The following COL5A3 variants were observed in gnomAD, a reference collection of about 807,000 sequenced individuals.
The protein encoded by COL5A3 is collagen type V alpha 3 chain.
A neutral mutation model predicts 250.0 loss-of-function variants in COL5A3; 172 were observed. That is an observed-to-expected ratio of 0.69 (90% CI 0.61 to 0.78). COL5A3 has a LOEUF of 0.78. COL5A3 is among the 30% of genes least tolerant of loss of function. The pLI, the probability that COL5A3 is intolerant of heterozygous loss-of-function variation, is 0.00. For missense variants in COL5A3, 2,340 were observed against 2,334.4 expected, an observed-to-expected ratio of 1.00 and a Z score of -0.05; for synonymous variants, 937 against 900.4, an observed-to-expected ratio of 1.04 and a Z score of -0.73.
chr19:9,987,614 G>C (rs2087118636), intron 27 of COL5A3, among the ~76,000 whole-genome samples: 1 of 151,930 alleles, frequency 6.6e-6, no homozygotes, highest in African/African-American at 2.4e-5. Context: ...GCCGGATGTG[G>C]TGACGTGCAC....
chr19:9,982,897 C>A (rs1479694318), intron 31 of COL5A3, among the ~76,000 whole-genome samples: 1 of 152,074 alleles, frequency 6.6e-6, no homozygotes, highest in African/African-American at 2.4e-5. Flanking sequence ...ACTTTGTCAC[C>A]CAGGCTGGAG....
chr19:9,993,803 G>A lies in COL5A3; in HGVS notation c.1591C>T (p.Arg531Cys), dbSNP rs747894135. ...CCCCGAGCTCCATCTGCTCCAGGGCGGCCCTATGGAGAAAGTAAGCCCAAG... is the reference window on the plus strand; with the variant it reads ...CCCCGAGCTCCATCTGCTCCAGGGCAGCCCTATGGAGAAAGTAAGCCCAAG... ...GPPGRVGKMG[R>C]PGADGARGLP... is the part of the protein sequence containing the mutation. Residue 531 changes from arginine (R) to cysteine (C), a missense_variant, in exon 17 of 67, where the codon CGC (arginine) becomes TGC (cysteine). Arg to Cys is a radical substitution (Grantham distance 180). Coordinates refer to ENST00000264828, the MANE Select transcript of COL5A3 (RefSeq NM_015719.4). The A allele has an allele frequency of 7.2e-5, 116 of 1,613,968 alleles. No homozygotes were observed. The East Asian group carries it at 1.3e-3, about 18-fold the overall frequency.
chr19:10,004,073 C>T lies in COL5A3; in HGVS notation c.667G>A (p.Asp223Asn). Residue 223 changes from aspartate to asparagine, a missense_variant, in exon 5 of 67, where the codon GAC (aspartate) becomes AAC (asparagine). By Grantham distance (23) the Asp-to-Asn change is conservative. This residue lies in a region of COL5A3 where 1,152 missense variants were observed against 1,146.3 expected (regional missense o/e 1.00). Transcript: ENST00000264828. ...AFQACERYLP[D>N]CDNLAPAATV... ...GCTGCCGGTGCCAGGTTGTCACAGT[C>T]GGGGAGGTACCGCTCACAAGCCTGG... 5.6e-6 allele frequency: 9 copies of T among 1,614,020 alleles called. No individual in the cohort carries two copies. The highest frequency in any genetic ancestry group is 7.6e-6 in the Non-Finnish European group (9 of 1,179,928).
Position 9,977,667 on chromosome 19 carries a change from G to A in COL5A3, c.3053C>T (p.Ala1018Val). ...TTGGCCAGGAAGTCCAATGCCTCCT[G>A]CTGGGCCCAAAGGACCGCGCTCACC... Reference protein sequence around the residue: ...SPGERGPLGPAGGIGLPGQSG... With the variant: ...SPGERGPLGPVGGIGLPGQSG... Residue 1018 changes from alanine (A) to valine (V), a missense_variant, in exon 42 of 67, where the codon GCA becomes GTA. By Grantham distance (64) the Ala-to-Val change is moderately conservative (BLOSUM62 0). Coordinates refer to ENST00000264828, the MANE Select transcript of COL5A3 (RefSeq NM_015719.4). 6.2e-7 allele frequency: 1 copy of A among 1,607,726 alleles called. No homozygotes were observed. The highest frequency in any genetic ancestry group is 1.3e-5 in the African/African-American group (1 of 74,830).
intron 27 of COL5A3, among the ~76,000 whole-genome samples, 158 bp downstream of exon 27, chr19:9,988,966 G>C (rs1275657013): frequency 4.6e-5 from 7 of 152,072 alleles, no homozygotes; most frequent in Non-Finnish European, 8.8e-5. Flanking sequence ...ACACTGTAAG[G>C]CTGTCCTTGG....
intron 6 of COL5A3, 96 bp downstream of exon 6, chr19:10,003,462 AGAGATGG>A: frequency 8.8e-7 from 1 of 1,140,256 alleles, no homozygotes; most frequent in Non-Finnish European, 1.3e-6. Context: ...AGAGATTAGT[AGAGATGG>A]GAGACTAGAA....
At chr19:9,996,331 T>G (rs1445199313) in intron 13 of COL5A3, 69 bp from the exon 14 acceptor site, 10 of 1,550,568 alleles carry the variant, frequency 6.4e-6, no homozygotes, top group Non-Finnish European at 8.7e-6. Context: ...CAGAGGCATC[T>G]TCAGGAGAAA....
Position 10,003,591 on chromosome 19 carries a change from G to A in COL5A3, c.823C>T (p.Pro275Ser), listed in dbSNP as rs781439239. 5.9e-5 allele frequency: 95 copies of A among 1,614,072 alleles called. No individual in the cohort carries two copies. The highest frequency in any genetic ancestry group is 7.8e-5 in the Non-Finnish European group (92 of 1,180,048). Residue 275 changes from proline (P) to serine (S), a missense_variant, in exon 6 of 67, where the codon CCA (proline) becomes TCA (serine). This residue lies in a region of COL5A3 where 1,152 missense variants were observed against 1,146.3 expected (regional missense o/e 1.00). Coordinates refer to ENST00000264828, the MANE Select transcript of COL5A3 (RefSeq NM_015719.4). ...TGGTTCTCTGCGGAGTCAGGAGGTG[G>A]ACTTGAGGTCCAAATTTCCTTGTTC... ...KKNKEIWTSS[P>S]PPDSAENQTS...
chr19:9,968,316 CACACCCACAGTCTCTCAACCG>C lies in COL5A3; in HGVS notation c.4314+48_4314+68del. 7.5e-7 allele frequency: 1 copy of C among 1,326,374 alleles called. No individual in the cohort carries two copies. The highest frequency in any genetic ancestry group is 1.1e-6 in the Non-Finnish European group (1 of 942,738). 82.2% of individuals were successfully genotyped at this position (1,326,374 alleles called of 1,614,324 possible). A position where few individuals can be genotyped will look rare whatever the true frequency, so the allele number is the denominator to read the frequency against. Reference sequence around the variant, plus strand: ...ATCCAGACCCACGTTTCCCAGACCCCACACCCACAGTCTCTCAACCGACCCCCTCCTTCAAATGCATTCTTC... The same window carrying C: ...ATCCAGACCCACGTTTCCCAGACCCCACCCCCTCCTTCAAATGCATTCTTC... On this transcript the variant is annotated intron_variant, in intron 59 of 66. Transcript: ENST00000264828. The surrounding 1 kb of genome is among the most constrained non-coding windows in gnomAD (Gnocchi z 4.1).
intron 1 of COL5A3, among the ~76,000 whole-genome samples, chr19:10,010,029 A>G (rs1169995558): frequency 6.6e-6 from 1 of 152,158 alleles, no homozygotes; most frequent in Non-Finnish European, 1.5e-5. Context: ...CACATGCTAC[A>G]CACACATACA....
At chr19:9,996,744 G>A (rs1191781976) in intron 11 of COL5A3, 55 bp from the exon 12 acceptor site, 2 of 1,398,424 alleles carry the variant, frequency 1.4e-6, no homozygotes, top group Non-Finnish European at 2.0e-6. Context: ...GAGAGAGAGA[G>A]CGAGGACAGG....
chr19:10,004,773 C>G (rs2087417274), intron 4 of COL5A3, among the ~76,000 whole-genome samples: 1 of 152,196 alleles, frequency 6.6e-6, no homozygotes, highest in Non-Finnish European at 1.5e-5. Context: ...ACAAAGGTCT[C>G]CACACCCAGA....
In COL5A3 at chr19:9,996,256, T is replaced by C. The variant is rs779560662; in HGVS notation, c.1429A>G (p.Met477Val). ...CCCACTGGACCAGGGGGGCCTTTCA[T>C]AGAGAGCTGGAAAGACAGAGGAGTC... ...QAVLQQTQLS[M>V]KGPPGPVGLT... The change falls in exon 14 of 67, where the codon ATG (methionine) becomes GTG (valine). Residue 477 changes from methionine (M) to valine (V), a missense_variant. This residue lies in a region of COL5A3 where 1,152 missense variants were observed against 1,146.3 expected (regional missense o/e 1.00). Coordinates refer to ENST00000264828, the MANE Select transcript of COL5A3 (RefSeq NM_015719.4). The C allele has an allele frequency of 5.1e-6, 8 of 1,572,680 alleles. No homozygotes were observed. Among genetic ancestry groups the C allele is most frequent in the Non-Finnish European group, 3.4e-6 (4 of 1,161,948 alleles).
chr19:9,974,143 C>A, intron 47 of COL5A3, 28 bp downstream of exon 47: 1 of 1,608,018 alleles, frequency 6.2e-7, no homozygotes, highest in East Asian at 2.2e-5. Flanking sequence ...CCATCCTCCC[C>A]CTCCCACCTT....
At position 9,974,363 on chromosome 19, in the gene COL5A3, C is replaced by T; in HGVS notation, c.3388G>A (p.Gly1130Arg). Residue 1130 changes from glycine (G) to arginine (R), a missense_variant, in exon 46 of 67, where the codon GGG becomes AGG. Physicochemically the swap from Gly to Arg is moderately radical, Grantham distance 125. Transcript: ENST00000264828. ...CTGACTCCGTCATCTCCTTTCTGCC[C>T]AAAGAGGCCTGGGGGTCCCCGGCGC... ...QGRRGPPGLF[G>R]QKGDDGVRGF... The T allele has an allele frequency of 1.2e-6, 2 of 1,612,554 alleles. No individual in the cohort carries two copies. The highest frequency in any genetic ancestry group is 1.7e-6 in the Non-Finnish European group (2 of 1,179,314).
rs2087491462 is a variant in COL5A3 at position 10,009,351 on chromosome 19, C to T, written c.88+947G>A. Among the ~76,000 whole-genome samples the T allele has an allele frequency of 6.6e-6, 1 of 152,084 alleles. No individual in the cohort carries two copies. Among genetic ancestry groups the T allele is most frequent in the African/African-American group, 2.4e-5 (1 of 41,404 alleles). On this transcript the variant is annotated intron_variant, in intron 1 of 66. Transcript: ENST00000264828. The surrounding 1 kb of genome is among the most constrained non-coding windows in gnomAD (Gnocchi z 4.4). ...GCCCCCCACTCTGAACCCTGAGGGG[C>T]GGGACAGGGCGCCCAGCCAGATGCG...
intron 55 of COL5A3, 83 bp downstream of exon 55, chr19:9,969,786 G>T: frequency 6.3e-7 from 1 of 1,576,858 alleles, no homozygotes; most frequent in Non-Finnish European, 8.7e-7. Context: ...TGCACAGAGT[G>T]GTCATAGGTC....
intron 41 of COL5A3, 31 bp from the exon 42 acceptor site, chr19:9,977,732 TA>T: frequency 6.7e-7 from 1 of 1,490,892 alleles, no homozygotes; most frequent in Non-Finnish European, 9.0e-7. Flanking sequence ...TCAGGTATAA[TA>T]CCAGTAGTAG....
rs62638743 is a variant in COL5A3, at chr19:9,977,684, G to A, written c.3036C>T (p.Arg1012=). The A allele has an allele frequency of 0.029, 46,095 of 1,598,668 alleles. 775 individuals are homozygous for A. Among genetic ancestry groups the A allele is most frequent in the African/African-American group, 0.053 (3,909 of 74,454 alleles). The change falls in exon 42 of 67, where the codon CGC becomes CGT. Residue 1012 remains arginine (R), a synonymous_variant. Transcript: ENST00000264828. ...TGCCTCCTGCTGGGCCCAAAGGACC[G>A]CGCTCACCAGGGGAGCCCTGAGAAC... The part of the protein sequence containing the change: ...PVGANGSPGE[R]GPLGPAGGIG...
Sources: gnomAD v4.1 joint callset for allele counts (sites outside exome capture counted in the v4.1 genomes callset) on GRCh38, gnomAD v4.1.1 for gene constraint, gnomAD v4.1.1 regional missense constraint, Gnocchi (gnomAD v3.1) non-coding constraint, MANE v1.5 for transcripts, NCBI Gene and HGNC (gene_info 2026-07-23, HGNC 2026-07-21) for gene names.